Variants in EFHD1 observed in about 807,000 individuals in gnomAD.
EFHD1 encodes the protein EF-hand domain family member D1.
Under a neutral mutation model 17.2 loss-of-function variants are expected in EFHD1, and 10 were observed. The observed-to-expected ratio is 0.58, with a 90% CI of 0.36 to 0.99. The LOEUF (loss-of-function observed/expected upper bound fraction) is 0.99. Ranked by LOEUF, EFHD1 falls within the 50% of genes least tolerant of loss-of-function variation. The pLI is 0.01. For synonymous variants in EFHD1, 153 were observed against 142.0 expected (o/e 1.08, Z -0.55); for missense variants, 310 against 327.5 (o/e 0.95, Z 0.41).
intron 1 of EFHD1, among the ~76,000 whole-genome samples, chr2:232,636,639 C>T (rs1043320764): frequency 4.6e-5 from 7 of 152,048 alleles, no homozygotes; most frequent in African/African-American, 9.7e-5. Context: ...GCCTGATCAA[C>T]GTGGTGAAAC....
intron 1 of EFHD1, among the ~76,000 whole-genome samples, chr2:232,659,738 GACTA>G (rs113782320): frequency 0.11 from 16,200 of 152,164 alleles, 1,136 homozygotes; most frequent in Middle Eastern, 0.21. Context: ...AAAAACCTGA[GACTA>G]ACTAATTTAT....
At chr2:232,672,778 G>A (rs1695103254) in intron 3 of EFHD1, among the ~76,000 whole-genome samples, 1 of 152,212 alleles carries the variant, frequency 6.6e-6, no homozygotes, top group African/African-American at 2.4e-5. Context: ...TAGGTGGTAT[G>A]GGCTGTTGGG....
upstream of EFHD1, among the ~76,000 whole-genome samples, chr2:232,629,242 G>A (rs1694159802): frequency 6.6e-6 from 1 of 152,184 alleles, no homozygotes; most frequent in Admixed American, 6.5e-5. Flanking sequence ...AAGAAGTCTT[G>A]GAGTGAAAAC....
intron 1 of EFHD1, among the ~76,000 whole-genome samples, chr2:232,626,207 AT>A (rs1342516602): frequency 1.3e-5 from 2 of 151,488 alleles, no homozygotes; most frequent in East Asian, 1.9e-4. Flanking sequence ...AAAGAAAAAA[AT>A]ATATATATAT....
intron 1 of EFHD1, among the ~76,000 whole-genome samples, chr2:232,625,184 A>G (rs1694085897): frequency 6.6e-6 from 1 of 152,178 alleles, no homozygotes; most frequent in Non-Finnish European, 1.5e-5. Flanking sequence ...GCTGGAGTGC[A>G]GTGGCGCAAT....
rs533845156 is a variant in EFHD1 at position 232,648,896 on chromosome 2, T to C, written c.303-13906T>C. Among the ~76,000 whole-genome samples the C allele has an allele frequency of 3.9e-4, 60 of 152,286 alleles. 1 individual carries two copies. The highest frequency in any genetic ancestry group is 1.2e-3 in the African/African-American group (49 of 41,546). On this transcript the variant is annotated intron_variant, in intron 1 of 3. Coordinates refer to ENST00000264059, the MANE Select transcript of EFHD1 (RefSeq NM_025202.4). ...AAGAGAAGAAGGTACTCTTGTGTCC[T>C]GGTGTCCCTGAGATGCAGGCAACCC...
intron 1 of EFHD1, among the ~76,000 whole-genome samples, chr2:232,643,483 C>T (rs1213314789): frequency 1.3e-5 from 2 of 151,934 alleles, no homozygotes; most frequent in African/African-American, 4.8e-5. Flanking sequence ...TCATGGCTCA[C>T]TGCAGCCTCG....
intron 1 of EFHD1, among the ~76,000 whole-genome samples, chr2:232,627,035 T>TCTCTCC (rs1197995800): frequency 1.6e-5 from 1 of 61,676 alleles, no homozygotes. Context: ...TCTCTCTCTC[T>TCTCTCC]CTATATATAT....
chr2:232,615,710 G>A lies in EFHD1; in HGVS notation c.14+9537G>A, dbSNP rs532372713. ...TTTTTTTTTTTTTTTTTTTTGAGAC[G>A]AGGTTTCGCTCTTGTTGCCCAGGCT... is the stretch of plus-strand genomic sequence containing the variant. On this transcript the variant is annotated intron_variant, in intron 1 of 3. Transcript: ENST00000409613. 1.1e-4 allele frequency among the ~76,000 whole-genome samples: 13 copies of A among 114,788 alleles called. 1 individual carries two copies. Among genetic ancestry groups the A allele is most frequent in the Non-Finnish European group, 1.4e-4 (8 of 56,548 alleles). 75.3% of individuals were successfully genotyped at this position (114,788 alleles called of 152,430 possible). A position where few individuals can be genotyped will look rare whatever the true frequency, so the allele number is the denominator to read the frequency against.
rs1230862365 is a variant in EFHD1, at chr2:232,672,342, G to T, written c.484G>T (p.Glu162Ter). 3.1e-6 allele frequency: 5 copies of T among 1,614,050 alleles called. No individual in the cohort carries two copies. Among genetic ancestry groups the T allele is most frequent in the Non-Finnish European group, 4.2e-6 (5 of 1,180,042 alleles). The change falls in exon 3 of 4, where the codon GAG (glutamate) becomes TAG (stop). Residue 162 changes from glutamate to a stop codon, truncating the protein, a stop_gained. Coordinates refer to ENST00000264059, the MANE Select transcript of EFHD1 (RefSeq NM_025202.4). LOFTEE classifies it high-confidence loss of function. ...LLIFHKAAAG[E>*]LQEDSGLMAL... ...CATTTTCCACAAGGCCGCGGCAGGG[G>T]AGCTGCAGGAGGACAGTGGGCTGAT...
At chr2:232,614,729 A>C (rs1693890820) in intron 1 of EFHD1, among the ~76,000 whole-genome samples, 1 of 152,140 alleles carries the variant, frequency 6.6e-6, no homozygotes. Context: ...TAATCCTAGC[A>C]ATTTGGGTGG....
At chr2:232,606,920 AAAAT>A (rs1387389001) in intron 1 of EFHD1, among the ~76,000 whole-genome samples, 7 of 151,424 alleles carry the variant, frequency 4.6e-5, no homozygotes, top group Non-Finnish European at 1.0e-4. Flanking sequence ...AAATTAAAAA[AAAAT>A]AAAGTTGGGG....
At chr2:232,660,395 C>T (rs369275500) in intron 1 of EFHD1, among the ~76,000 whole-genome samples, 26 of 151,828 alleles carry the variant, frequency 1.7e-4, no homozygotes, top group Admixed American at 3.9e-4. Context: ...GGGATTTCAC[C>T]GTGTTAGCCA....
At chr2:232,634,544 G>A (rs1246654981) in intron 1 of EFHD1, among the ~76,000 whole-genome samples, 2 of 152,218 alleles carry the variant, frequency 1.3e-5, no homozygotes, top group Non-Finnish European at 2.9e-5. Flanking sequence ...CTTTCCTGGA[G>A]CAGGCGCGGC....
chr2:232,682,763 C>A lies in EFHD1; in HGVS notation c.*1044C>A, dbSNP rs904229805. On this transcript the variant is annotated 3_prime_UTR_variant, in exon 4 of 4. Transcript: ENST00000264059. Reference sequence around the variant, plus strand: ...ACTGCTGTCTTTACAATAAAGAAATCATCTGCCTTTCTATCTTACAGCTAT... The same window carrying A: ...ACTGCTGTCTTTACAATAAAGAAATAATCTGCCTTTCTATCTTACAGCTAT... 1.3e-5 allele frequency: 2 copies of A among 152,146 alleles called. No homozygotes were observed. The highest frequency in any genetic ancestry group is 2.9e-5 in the Non-Finnish European group (2 of 68,032). 9.4% of individuals were successfully genotyped at this position (152,146 alleles called of 1,614,324 possible). A position where few individuals can be genotyped will look rare whatever the true frequency, so the allele number is the denominator to read the frequency against.
At chr2:232,652,764 G>T (rs1694683353) in intron 1 of EFHD1, among the ~76,000 whole-genome samples, 1 of 152,126 alleles carries the variant, frequency 6.6e-6, no homozygotes, top group Admixed American at 6.6e-5. Flanking sequence ...CAGGCATTTT[G>T]AGAGAAGCAG....
intron 1 of EFHD1, among the ~76,000 whole-genome samples, chr2:232,626,033 A>G (rs1694098911): frequency 6.6e-6 from 1 of 151,964 alleles, no homozygotes; most frequent in South Asian, 2.1e-4. Flanking sequence ...CTACAAAAAT[A>G]CAAAAATTAG....
At chr2:232,634,621 G>A (rs1260828021) in intron 1 of EFHD1, among the ~76,000 whole-genome samples, 1 of 152,152 alleles carries the variant, frequency 6.6e-6, no homozygotes, top group Non-Finnish European at 1.5e-5. Flanking sequence ...CGCTGGCACC[G>A]GTCCGGCGGG....
At chr2:232,659,093 A>G (rs1694813501) in intron 1 of EFHD1, among the ~76,000 whole-genome samples, 1 of 151,860 alleles carries the variant, frequency 6.6e-6, no homozygotes, top group African/African-American at 2.4e-5. Flanking sequence ...TGGGAAACCC[A>G]GAAGCACCTT....
Sources: gnomAD v4.1 joint callset for allele counts (sites outside exome capture counted in the v4.1 genomes callset) on GRCh38, gnomAD v4.1.1 for gene constraint, MANE v1.5 for transcripts, NCBI Gene and HGNC (gene_info 2026-07-23, HGNC 2026-07-21) for gene names.